The following OPCML variants were observed in gnomAD, a reference collection of about 807,000 sequenced individuals.
OPCML encodes the protein opioid binding protein/cell adhesion molecule like, also known as opioid-binding protein/cell adhesion molecule.
In OPCML, 13 loss-of-function variants were observed where a neutral mutation model predicts 37.8. The observed-to-expected ratio is 0.34, with a 90% CI of 0.22 to 0.55. The LOEUF is 0.55. Ranked by LOEUF, OPCML falls within the 20% of genes least tolerant of loss-of-function variation. OPCML has a pLI of 0.91. For missense variants in OPCML, 341 were observed against 435.6 expected (o/e 0.78, Z 1.93); for synonymous variants, 176 against 168.8 (o/e 1.04, Z -0.33).
At chr11:133,068,628 G>A (rs1042901770) in intron 1 of OPCML, among the ~76,000 whole-genome samples, 1 of 152,240 alleles carries the variant, frequency 6.6e-6, no homozygotes, top group Non-Finnish European at 1.5e-5. Flanking sequence ...GCCTGTCAGG[G>A]TAACTGGGTT....
chr11:133,373,424 A>AAAATATATATATAT (rs376543665), intron 1 of OPCML, among the ~76,000 whole-genome samples: 3 of 117,756 alleles, frequency 2.5e-5, no homozygotes, highest in African/African-American at 6.7e-5. Flanking sequence ...ACTTAATTAA[A>AAAATATATATATAT]ATATATATAT....
chr11:133,102,928 A>G (rs541234653), intron 1 of OPCML, among the ~76,000 whole-genome samples: 233 of 152,280 alleles, frequency 1.5e-3, no homozygotes, highest in Non-Finnish European at 2.7e-3. Context: ...TAGGAACTGT[A>G]TCAGGTTCTC....
At chr11:132,774,899 T>C (rs1946763069) in intron 2 of OPCML, among the ~76,000 whole-genome samples, 1 of 152,212 alleles carries the variant, frequency 6.6e-6, no homozygotes, top group African/African-American at 2.4e-5. Flanking sequence ...GTATATACCA[T>C]TTATCCCAAT....
chr11:132,984,759 T>A (rs1231723357), intron 1 of OPCML, among the ~76,000 whole-genome samples: 1 of 152,208 alleles, frequency 6.6e-6, no homozygotes, highest in African/African-American at 2.4e-5. Context: ...CAGCAACAGC[T>A]TGAAGACACT....
At chr11:133,476,084 C>T (rs771100305) in intron 1 of OPCML, among the ~76,000 whole-genome samples, 1 of 152,180 alleles carries the variant, frequency 6.6e-6, no homozygotes, top group African/African-American at 2.4e-5. Context: ...ATTCACACAG[C>T]TGTCACCACC....
intron 1 of OPCML, among the ~76,000 whole-genome samples, chr11:133,127,739 A>G (rs1949538833): frequency 6.6e-6 from 1 of 152,138 alleles, no homozygotes; most frequent in Non-Finnish European, 1.5e-5. Context: ...AATTGCTGTC[A>G]TCACAATTTA....
At chr11:132,578,900 A>G (rs1187392739) in intron 3 of OPCML, among the ~76,000 whole-genome samples, 1 of 152,094 alleles carries the variant, frequency 6.6e-6, no homozygotes, top group Non-Finnish European at 1.5e-5. Context: ...CCCTCTGGAG[A>G]TCACTCTGCA....
At chr11:132,966,730 T>C (rs773374684) in intron 1 of OPCML, among the ~76,000 whole-genome samples, 33 of 152,222 alleles carry the variant, frequency 2.2e-4, no homozygotes, top group Admixed American at 5.2e-4. Flanking sequence ...TTTGGGGCTC[T>C]GTGATTTGTT....
intron 2 of OPCML, among the ~76,000 whole-genome samples, chr11:132,712,402 G>A (rs1944304777): frequency 6.6e-6 from 1 of 152,028 alleles, no homozygotes; most frequent in South Asian, 2.1e-4. Flanking sequence ...CCCCTCGGTG[G>A]AAGAGCTGTC....
chr11:132,812,323 G>A (rs763094953), intron 2 of OPCML, among the ~76,000 whole-genome samples: 28 of 152,046 alleles, frequency 1.8e-4, no homozygotes, highest in Non-Finnish European at 3.1e-4. Flanking sequence ...AGCAACAGGT[G>A]GCAATAAAAA....
chr11:132,701,868 C>T (rs938768492), intron 2 of OPCML, among the ~76,000 whole-genome samples: 2 of 150,522 alleles, frequency 1.3e-5, no homozygotes, highest in Admixed American at 6.7e-5. Context: ...TTGTGATTAG[C>T]ATAGGGCTTA....
chr11:132,529,161 G>A lies in OPCML; in HGVS notation c.405C>T (p.Ser135=). 6.2e-7 allele frequency: 1 copy of A among 1,612,128 alleles called. No individual in the cohort carries two copies. The highest frequency in any genetic ancestry group is 8.5e-7 in the Non-Finnish European group (1 of 1,178,978). ...VQVPPQIMNI[S]SDITVNEGSS... ...TTCCCTCATTCACAGTGATGTCTGA[G>A]GAGATATTCATGATCTGAGGAGGAA... Residue 135 remains serine, a synonymous_variant, in exon 4 of 8, where the codon TCC becomes TCT. Transcript: ENST00000524381.
chr11:133,248,626 G>A (rs1471167873), intron 1 of OPCML, among the ~76,000 whole-genome samples: 1 of 152,222 alleles, frequency 6.6e-6, no homozygotes, highest in Non-Finnish European at 1.5e-5. Flanking sequence ...ATGAGGTTCT[G>A]CAGGGCACTT....
At chr11:132,586,299 G>C (rs1448928719) in intron 3 of OPCML, among the ~76,000 whole-genome samples, 2 of 152,170 alleles carry the variant, frequency 1.3e-5, no homozygotes, top group Non-Finnish European at 2.9e-5. Flanking sequence ...AAAGAAATGT[G>C]ATATTTCCCT....
chr11:133,140,990 A>G (rs150469924), intron 1 of OPCML, among the ~76,000 whole-genome samples: 4 of 5,256 alleles, frequency 7.6e-4, no homozygotes, highest in Non-Finnish European at 7.9e-4. Flanking sequence ...GAAGAAGAAG[A>G]AGAAGAAGAC....
intron 1 of OPCML, among the ~76,000 whole-genome samples, chr11:133,340,830 A>G (rs1297034673): frequency 6.6e-6 from 1 of 152,088 alleles, no homozygotes; most frequent in African/African-American, 2.4e-5. Context: ...ACGAAGGGGG[A>G]AAAATAATGA....
chr11:133,287,007 AG>A (rs1313652033), intron 1 of OPCML, among the ~76,000 whole-genome samples: 2 of 152,192 alleles, frequency 1.3e-5, no homozygotes, highest in Non-Finnish European at 2.9e-5. Flanking sequence ...GAGATGGGTG[AG>A]GCTGTGGACA....
intron 1 of OPCML, among the ~76,000 whole-genome samples, chr11:133,304,715 A>T (rs927879148): frequency 6.6e-6 from 1 of 152,198 alleles, no homozygotes; most frequent in African/African-American, 2.4e-5. Context: ...ATATGGCAGG[A>T]GAATTGATTA....
intron 2 of OPCML, among the ~76,000 whole-genome samples, chr11:132,843,940 T>G (rs2136309908): frequency 6.6e-6 from 1 of 152,322 alleles, no homozygotes; most frequent in Admixed American, 6.5e-5. Flanking sequence ...ACAAATCTCA[T>G]CTTGAATTCC....
Sources: gnomAD v4.1 joint callset for allele counts (sites outside exome capture counted in the v4.1 genomes callset) on GRCh38, gnomAD v4.1.1 for gene constraint, MANE v1.5 for transcripts, NCBI Gene and HGNC (gene_info 2026-07-23, HGNC 2026-07-21) for gene names.